HERC4: variants seen among roughly 807,000 people sequenced by gnomAD.
The protein encoded by HERC4 is HECT and RLD domain containing E3 ubiquitin protein ligase 4.
Under a neutral mutation model 124.3 loss-of-function variants are expected in HERC4, and 28 were observed. The ratio of observed to expected loss-of-function variants is 0.23; its 90% CI spans 0.17 to 0.31. HERC4 has a LOEUF of 0.31. Among genes scored for constraint, HERC4 ranks in the 10% least tolerant of loss-of-function variants. The probability of loss-of-function intolerance (pLI) is 1.00; values close to 1 mark genes in which losing one functional copy is unlikely to be tolerated. For missense variants in HERC4, 713 were observed against 1,229.3 expected, an observed-to-expected ratio of 0.58 and a Z score of 6.28; for synonymous variants, 407 against 421.5, an observed-to-expected ratio of 0.97 and a Z score of 0.42.
intron 9 of HERC4, chr10:68,010,433 T>C: frequency 1.1e-6 from 1 of 938,408 alleles, no homozygotes; most frequent in Non-Finnish European, 1.7e-6. Flanking sequence ...CACTGCTTGA[T>C]TGCTTGCCCT....
In HERC4 at chr10:67,992,332, T is replaced by C; in HGVS notation, c.1147-9A>G. 6.2e-7 allele frequency: 1 copy of C among 1,612,756 alleles called. No homozygotes were observed. The highest frequency in any genetic ancestry group is 8.5e-7 in the Non-Finnish European group (1 of 1,179,120). On this transcript the variant is annotated splice_polypyrimidine_tract_variant and intron_variant, in intron 10 of 24. Transcript: ENST00000373700. ...TCTGGTGGCCCACAGTTCTAAATTT[T>C]CAAATAAGATTAGTCAGAGGGAAGA...
intron 9 of HERC4, chr10:68,010,230 G>T: frequency 9.3e-7 from 1 of 1,071,310 alleles, no homozygotes. Context: ...GGAGAGCCCA[G>T]AGTGGCGACA....
At chr10:68,005,945 T>C (rs568752447) in intron 9 of HERC4, among the ~76,000 whole-genome samples, 3 of 152,274 alleles carry the variant, frequency 2.0e-5, no homozygotes, top group African/African-American at 7.2e-5. Context: ...AGCAATCCTC[T>C]TGCCTCCTGT....
chr10:67,922,973 C>G lies in HERC4; in HGVS notation c.3108G>C (p.Leu1036=). ...CTTCATTGTGATCAATAGCTTGGAT[C>G]AGTTTAGAGCGTAGAGTTTCTTTTT... ...YTEKETLRSK[L]IQAIDHNEGF... The change falls in exon 25 of 25, where the codon CTG becomes CTC. Residue 1036 remains leucine (L), a synonymous_variant. Coordinates refer to ENST00000373700, the MANE Select transcript of HERC4 (RefSeq NM_015601.4). The G allele has an allele frequency of 6.2e-7, 1 of 1,613,452 alleles. No homozygotes were observed. The highest frequency in any genetic ancestry group is 1.1e-5 in the South Asian group (1 of 91,008).
At chr10:68,036,468 CAA>C (rs1284842781) in intron 5 of HERC4, among the ~76,000 whole-genome samples, 2 of 152,116 alleles carry the variant, frequency 1.3e-5, no homozygotes, top group African/African-American at 2.4e-5. Flanking sequence ...ACCAAAATAT[CAA>C]AAGAGGAGTT....
chr10:67,970,903 CAA>C (rs2035195976), intron 15 of HERC4, among the ~76,000 whole-genome samples: 1 of 150,722 alleles, frequency 6.6e-6, no homozygotes, highest in South Asian at 2.1e-4. Flanking sequence ...CAGAAGGAAA[CAA>C]AGAAATCAAT....
At chr10:67,933,334 C>T (rs897244260) in intron 22 of HERC4, among the ~76,000 whole-genome samples, 1 of 152,046 alleles carries the variant, frequency 6.6e-6, no homozygotes, top group African/African-American at 2.4e-5. Context: ...TTCAAATGTA[C>T]GTGTGAATAC....
intron 15 of HERC4, among the ~76,000 whole-genome samples, chr10:67,972,295 G>A (rs1205290981): frequency 2.0e-5 from 3 of 150,950 alleles, no homozygotes; most frequent in African/African-American, 7.3e-5. Context: ...GCCGAGGTGG[G>A]CAGATCACCT....
At chr10:68,012,563 A>G (rs1242579349) in intron 9 of HERC4, among the ~76,000 whole-genome samples, 2 of 152,188 alleles carry the variant, frequency 1.3e-5, no homozygotes, top group Non-Finnish European at 2.9e-5. Context: ...ATAAACATTT[A>G]TCAATTAGGT....
intron 3 of HERC4, among the ~76,000 whole-genome samples, chr10:68,058,143 TGA>T (rs1409142090): frequency 6.6e-6 from 1 of 152,246 alleles, no homozygotes; most frequent in Non-Finnish European, 1.5e-5. Context: ...CTTTAAAGTC[TGA>T]AGGTAAAGGA....
At chr10:68,069,603 G>T (rs183785526) in intron 3 of HERC4, 1 of 985,076 alleles carries the variant, frequency 1.0e-6, no homozygotes, top group Non-Finnish European at 1.2e-6. Flanking sequence ...TATGAATCTC[G>T]AGAATAATTT....
At chr10:67,961,158 A>G in intron 16 of HERC4, 1 of 176,168 alleles carries the variant, frequency 5.7e-6, no homozygotes, top group Non-Finnish European at 1.2e-5. Context: ...ATTTTGTCAC[A>G]GGTAAGATCC....
At chr10:68,061,879 TAAAAAAAA>T (rs71470503) in intron 3 of HERC4, among the ~76,000 whole-genome samples, 94 of 54,882 alleles carry the variant, frequency 1.7e-3, no homozygotes, top group African/African-American at 3.6e-3. Context: ...AGACTCCATT[TAAAAAAAA>T]AAAAAAAAAA....
Position 67,932,545 on chromosome 10 carries a change from T to C in HERC4, c.2838+52A>G, listed in dbSNP as rs554112919. On this transcript the variant is annotated intron_variant, in intron 23 of 24. Transcript: ENST00000373700. ...AAATAATACATAAAAAGGCAAGATT[T>C]CCATATATAAATCTTTCCATTTAAC... is the stretch of plus-strand genomic sequence containing the variant. 39 of 1,494,066 alleles carry C rather than the reference T, an allele frequency of 2.6e-5. No homozygotes were observed. In the East Asian group the frequency reaches 8.0e-4, roughly 31 times the overall value. The allele number at this position is 1,494,066 out of a possible 1,614,324, so 92.6% of individuals were successfully genotyped here.
At chr10:68,069,050 C>CA in intron 3 of HERC4, 1 of 984,892 alleles carries the variant, frequency 1.0e-6, no homozygotes, top group Non-Finnish European at 1.2e-6. Flanking sequence ...GGTCACAGAA[C>CA]AGTTTAGTAC....
intron 9 of HERC4, among the ~76,000 whole-genome samples, chr10:68,009,849 T>C (rs7913472): frequency 0.073 from 11,055 of 152,222 alleles, 1,016 homozygotes; most frequent in African/African-American, 0.22. Flanking sequence ...ATAATGTTCA[T>C]AGCATCTTCA....
intron 3 of HERC4, 125 bp downstream of exon 3, chr10:68,072,758 T>C: frequency 3.2e-6 from 2 of 625,866 alleles, no homozygotes; most frequent in Non-Finnish European, 5.3e-6. Flanking sequence ...TGGAAATACA[T>C]AACTTCTACT....
At chr10:68,040,386 TTTG>T (rs2039701243) in intron 4 of HERC4, 1 of 939,548 alleles carries the variant, frequency 1.1e-6, no homozygotes, top group Non-Finnish European at 1.3e-6. Flanking sequence ...GGATATTGGC[TTTG>T]TTTTCTTTGT....
intron 3 of HERC4, among the ~76,000 whole-genome samples, chr10:68,062,433 T>A (rs911073390): frequency 2.6e-5 from 4 of 152,108 alleles, no homozygotes; most frequent in Admixed American, 2.0e-4. Context: ...TAAGTCTCCA[T>A]CATCTACCTG....
Sources: allele counts gnomAD v4.1 joint callset (sites outside exome capture counted in the v4.1 genomes callset), GRCh38; gene constraint gnomAD v4.1.1; transcripts MANE v1.5; gene names NCBI Gene and HGNC (gene_info 2026-07-23, HGNC 2026-07-21).